Variants in MYRIP observed in about 807,000 individuals in gnomAD.
MYRIP encodes myosin VIIA and Rab interacting protein.
A neutral mutation model predicts 98.0 loss-of-function variants in MYRIP; 49 were observed. The observed-to-expected ratio is 0.50, with a 90% CI of 0.40 to 0.63. The LOEUF is 0.63. MYRIP is among the 30% of genes least tolerant of loss of function. The pLI is 0.00. For missense variants in MYRIP, 1,004 were observed against 1,058.2 expected (o/e 0.95, Z 0.71); for synonymous variants, 404 against 409.5 (o/e 0.99, Z 0.16).
At chr3:39,823,192 G>T (rs1289990660) in intron 1 of MYRIP, among the ~76,000 whole-genome samples, 1 of 151,826 alleles carries the variant, frequency 6.6e-6, no homozygotes, top group Non-Finnish European at 1.5e-5. Context: ...GCAAATTTTT[G>T]TATTCTTAGT....
At chr3:40,210,674 T>G (rs1008297698) in intron 11 of MYRIP, among the ~76,000 whole-genome samples, 13 of 152,114 alleles carry the variant, frequency 8.5e-5, no homozygotes, top group African/African-American at 3.1e-4. Context: ...ATTATTCTTG[T>G]CTCAGGGTCC....
chr3:39,828,370 T>C (rs1037727232), intron 1 of MYRIP, among the ~76,000 whole-genome samples: 1 of 152,108 alleles, frequency 6.6e-6, no homozygotes, highest in Non-Finnish European at 1.5e-5. Context: ...TCCTGTGTTG[T>C]CTGTTGTTGA....
chr3:39,913,977 C>T (rs1944088753), intron 2 of MYRIP, among the ~76,000 whole-genome samples: 1 of 152,188 alleles, frequency 6.6e-6, no homozygotes, highest in South Asian at 2.1e-4. Context: ...CCTCACATTA[C>T]AATCTCTAGG....
Position 40,161,611 on chromosome 3 carries a change from G to T in MYRIP, c.470-1119G>T, listed in dbSNP as rs2125589066. On this transcript the variant is annotated intron_variant, in intron 4 of 16. Transcript: ENST00000302541. ...GTCACTTCTTGCTTATTCAATCTCT[G>T]TCTTTACTGGGATTTATAAACACAC... is the stretch of plus-strand genomic sequence containing the variant. Among the ~76,000 whole-genome samples the T allele has an allele frequency of 2.0e-5, 3 of 152,194 alleles. No individual in the cohort carries two copies. In the South Asian group the frequency reaches 6.2e-4, roughly 32 times the overall value.
At chr3:40,176,007 A>G (rs935165771) in intron 8 of MYRIP, among the ~76,000 whole-genome samples, 1 of 152,272 alleles carries the variant, frequency 6.6e-6, no homozygotes, top group Non-Finnish European at 1.5e-5. Context: ...TTATGTTTGT[A>G]CATCACATGT....
At chr3:40,020,561 TG>T (rs1390907656) in intron 2 of MYRIP, among the ~76,000 whole-genome samples, 1 of 152,178 alleles carries the variant, frequency 6.6e-6, no homozygotes, top group Admixed American at 6.5e-5. Context: ...CGTGTTATTT[TG>T]GGCCTGGTAA....
intron 8 of MYRIP, among the ~76,000 whole-genome samples, chr3:40,181,703 T>C (rs1193711523): frequency 6.6e-6 from 1 of 152,214 alleles, no homozygotes; most frequent in Non-Finnish European, 1.5e-5. Context: ...CAATTCAAGT[T>C]TGTTCCTGTC....
At chr3:40,128,805 G>C (rs1013193951) in intron 3 of MYRIP, among the ~76,000 whole-genome samples, 1 of 152,104 alleles carries the variant, frequency 6.6e-6, no homozygotes, top group Non-Finnish European at 1.5e-5. Flanking sequence ...GTTTTAAATT[G>C]GTCATGGATT....
At chr3:40,066,311 C>T (rs1230783069) in intron 3 of MYRIP, among the ~76,000 whole-genome samples, 1 of 152,142 alleles carries the variant, frequency 6.6e-6, no homozygotes, top group East Asian at 1.9e-4. Context: ...TTTCTGGGGT[C>T]CATTAAGACC....
intron 1 of MYRIP, among the ~76,000 whole-genome samples, chr3:39,839,606 T>C (rs377073268): frequency 8.3e-4 from 127 of 152,298 alleles, no homozygotes; most frequent in African/African-American, 2.7e-3. Context: ...AGCTCTTTCC[T>C]GCTTTCTTCT....
intron 3 of MYRIP, among the ~76,000 whole-genome samples, chr3:40,123,943 A>G (rs1411044488): frequency 6.6e-6 from 1 of 152,174 alleles, no homozygotes; most frequent in East Asian, 1.9e-4. Context: ...AGAAAGGGGG[A>G]GAACTGGGTT....
At chr3:39,822,868 CT>C (rs35751546) in intron 1 of MYRIP, among the ~76,000 whole-genome samples, 34,027 of 146,726 alleles carry the variant, frequency 0.23, 4,068 homozygotes, top group Middle Eastern at 0.3. Flanking sequence ...GGATTTGATT[CT>C]TTTTTTTTTT....
chr3:39,959,335 A>G (rs1362394718), intron 2 of MYRIP, among the ~76,000 whole-genome samples: 2 of 152,244 alleles, frequency 1.3e-5, no homozygotes, highest in South Asian at 2.1e-4. Context: ...ATGGAATACT[A>G]TGCAGCCATA....
intron 11 of MYRIP, among the ~76,000 whole-genome samples, chr3:40,227,442 T>A (rs1952521312): frequency 6.6e-6 from 1 of 152,078 alleles, no homozygotes; most frequent in Non-Finnish European, 1.5e-5. Flanking sequence ...GTAGGTTGCT[T>A]ACTCTGATTT....
At chr3:40,214,898 A>T (rs575145498) in intron 11 of MYRIP, among the ~76,000 whole-genome samples, 2 of 152,196 alleles carry the variant, frequency 1.3e-5, no homozygotes, top group Non-Finnish European at 2.9e-5. Context: ...AGACTACATC[A>T]GGGGCCAAGT....
chr3:39,909,612 G>A (rs12496286), intron 2 of MYRIP, among the ~76,000 whole-genome samples: 11 of 152,130 alleles, frequency 7.2e-5, no homozygotes. Flanking sequence ...TGAAGGAGAG[G>A]TGTGTTTGAT....
At chr3:40,042,288 TAAAAAA>T (rs66600615) in intron 2 of MYRIP, among the ~76,000 whole-genome samples, 5,490 of 112,606 alleles carry the variant, frequency 0.049, 168 homozygotes, top group East Asian at 0.2. Context: ...ACTGGAAGGA[TAAAAAA>T]AAAAAAAAAA....
At chr3:39,921,145 A>G (rs2125690819) in intron 2 of MYRIP, among the ~76,000 whole-genome samples, 1 of 152,350 alleles carries the variant, frequency 6.6e-6, no homozygotes, top group Non-Finnish European at 1.5e-5. Context: ...ATATTCAAGA[A>G]TAAATGATGG....
In MYRIP at chr3:40,228,502, T is replaced by C. The variant is rs529253118; in HGVS notation, c.1906-5357T>C. ...GGAGGCCCTTCACAAGACCCTAAAG[T>C]GGCAGTCCCCTCGCCACTGCCCCTG... On this transcript the variant is annotated intron_variant, in intron 11 of 16. Transcript: ENST00000302541. Among the ~76,000 whole-genome samples the C allele has an allele frequency of 5.3e-5, 8 of 152,254 alleles. No homozygotes were observed. The East Asian group carries it at 1.5e-3, about 29-fold the overall frequency.
Sources: gnomAD v4.1 joint callset for allele counts (sites outside exome capture counted in the v4.1 genomes callset) on GRCh38, gnomAD v4.1.1 for gene constraint, MANE v1.5 for transcripts, NCBI Gene and HGNC (gene_info 2026-07-23, HGNC 2026-07-21) for gene names.